Variants in PCDHA1 observed in about 807,000 individuals in gnomAD.
The protein encoded by PCDHA1 is protocadherin alpha 1.
In PCDHA1, 42 loss-of-function variants were observed where a neutral mutation model predicts 61.3. The observed-to-expected ratio is 0.69, with a 90% CI of 0.54 to 0.89. The LOEUF is 0.89. Among genes scored for constraint, PCDHA1 ranks in the 40% least tolerant of loss-of-function variants. PCDHA1 has a pLI of 0.00. For synonymous variants in PCDHA1, 610 were observed against 553.8 expected (o/e 1.10, Z -1.43); for missense variants, 1,256 against 1,235.3 (o/e 1.02, Z -0.25).
chr5:140,843,262 G>C (rs2150356218), intron 1 of PCDHA1: 1 of 1,596,090 alleles, frequency 6.3e-7, no homozygotes, highest in South Asian at 1.1e-5. Context: ...GCCACCGTCT[G>C]CTGGTCCTGG....
At chr5:140,960,511 C>T (rs2153725482) in intron 1 of PCDHA1, among the ~76,000 whole-genome samples, 1 of 152,156 alleles carries the variant, frequency 6.6e-6, no homozygotes, top group East Asian at 1.9e-4. Context: ...AAGCAGCAAA[C>T]ATAATGGGTA....
chr5:140,797,177 C>T (rs373175286), intron 1 of PCDHA1: 86 of 1,614,142 alleles, frequency 5.3e-5, no homozygotes, highest in Non-Finnish European at 6.2e-5. Flanking sequence ...GGAAAGCCCA[C>T]GCTGGTGTGC....
At chr5:140,973,358 A>G (rs1450961086) in intron 1 of PCDHA1, among the ~76,000 whole-genome samples, 1 of 152,234 alleles carries the variant, frequency 6.6e-6, no homozygotes, top group Non-Finnish European at 1.5e-5. Flanking sequence ...GTGAATTTAT[A>G]AAAATTGCAC....
At chr5:140,893,380 C>A (rs1554185596) in intron 1 of PCDHA1, among the ~76,000 whole-genome samples, 1 of 152,130 alleles carries the variant, frequency 6.6e-6, no homozygotes, top group African/African-American at 2.4e-5. Context: ...ATTTATGGGA[C>A]AGTGGCTCAT....
intron 3 of PCDHA1, among the ~76,000 whole-genome samples, chr5:140,983,386 A>G (rs1426409765): frequency 2.6e-5 from 4 of 152,216 alleles, no homozygotes. Context: ...TCGCTGTGGC[A>G]GTTTTCAGAA....
chr5:140,876,954 G>T (rs1554169149), intron 1 of PCDHA1: 1 of 1,613,432 alleles, frequency 6.2e-7, no homozygotes, highest in Non-Finnish European at 8.5e-7. Context: ...CCTACTCGCT[G>T]GTGGAGCGGC....
chr5:140,797,462 C>T, intron 1 of PCDHA1: 1 of 1,265,180 alleles, frequency 7.9e-7, no homozygotes, highest in Non-Finnish European at 1.1e-6. Flanking sequence ...TTTATATCAT[C>T]CTACCGTGCG....
intron 1 of PCDHA1, chr5:140,836,109 G>C (rs2150253080): frequency 6.2e-7 from 1 of 1,613,728 alleles, no homozygotes; most frequent in Non-Finnish European, 8.5e-7. Flanking sequence ...CACTGGTGGC[G>C]CAGTGAGAGA....
chr5:140,947,585 G>C (rs773594834), intron 1 of PCDHA1, among the ~76,000 whole-genome samples: 5 of 151,544 alleles, frequency 3.3e-5, no homozygotes, highest in Non-Finnish European at 3.0e-5. Context: ...TTAACATTTA[G>C]ATCAATTTAG....
chr5:140,806,975 G>A lies in PCDHA1; in HGVS notation c.2394+18291G>A, dbSNP rs1763825186. ...GGGGGTTTCCACAATTGCTACTTAC[G>A]GTTTGGAGCCACATGATGTCGCTCT... On this transcript the variant is annotated intron_variant, in intron 1 of 3. Coordinates refer to ENST00000504120, the MANE Select transcript of PCDHA1 (RefSeq NM_018900.4). 2.3e-5 allele frequency: 14 copies of A among 620,014 alleles called. No homozygotes were observed. In the East Asian group the frequency reaches 3.1e-4, roughly 14 times the overall value. The allele number at this position is 620,014 out of a possible 1,614,324, so 38.4% of individuals were successfully genotyped here. A position where few individuals can be genotyped will look rare whatever the true frequency, so the allele number is the denominator to read the frequency against.
chr5:140,967,073 G>C (rs1554229137), intron 1 of PCDHA1: 1 of 1,613,160 alleles, frequency 6.2e-7, no homozygotes, highest in Non-Finnish European at 8.5e-7. Context: ...CTTCGTCAAC[G>C]AGCGCATTGA....
chr5:140,966,113 A>T (rs1224729629), intron 1 of PCDHA1: 1 of 155,768 alleles, frequency 6.4e-6, no homozygotes, highest in African/African-American at 2.4e-5. Flanking sequence ...GGGTGCCCAT[A>T]CTTAGCTAAG....
Position 140,835,739 on chromosome 5 carries a change from C to G in PCDHA1, c.2394+47055C>G, listed in dbSNP as rs185499663. On this transcript the variant is annotated intron_variant, in intron 1 of 3. Transcript: ENST00000504120. ...AGGTGGCCGACGTGAACGACAACGC[C>G]CCGGCGTTCGCGCAGCCCGAGTATA... The G allele has an allele frequency of 4.3e-6, 7 of 1,613,474 alleles. No individual in the cohort carries two copies. In the African/African-American group the frequency reaches 5.3e-5, roughly 12 times the overall value.
At chr5:140,834,504 C>T (rs2150219958) in intron 1 of PCDHA1, 3 of 1,614,130 alleles carry the variant, frequency 1.9e-6, no homozygotes, top group Non-Finnish European at 1.7e-6. Flanking sequence ...GGAGGCTAAA[C>T]ATGGCAACTT....
intron 1 of PCDHA1, among the ~76,000 whole-genome samples, chr5:140,874,815 A>T (rs2055116009): frequency 6.6e-6 from 1 of 152,262 alleles, no homozygotes; most frequent in Non-Finnish European, 1.5e-5. Context: ...AAGACAATTT[A>T]TATAAATGAA....
chr5:140,834,516 G>A (rs1433865569), intron 1 of PCDHA1: 5 of 1,613,992 alleles, frequency 3.1e-6, no homozygotes, highest in African/African-American at 2.7e-5. Flanking sequence ...TGGCAACTTC[G>A]TGGGCCGCAT....
chr5:140,815,806 G>T (rs1765796247), intron 1 of PCDHA1: 2 of 152,132 alleles, frequency 1.3e-5, no homozygotes, highest in South Asian at 2.1e-4. Context: ...AACTGGGAAG[G>T]TCTTTATCTC....
intron 1 of PCDHA1, chr5:140,869,801 T>C: frequency 6.2e-7 from 1 of 1,612,816 alleles, no homozygotes; most frequent in African/African-American, 1.3e-5. Flanking sequence ...GTCCAAGTCT[T>C]GGATGTCAAC....
chr5:140,803,920 T>C, intron 1 of PCDHA1: 7 of 488,680 alleles, frequency 1.4e-5, no homozygotes, highest in Non-Finnish European at 2.2e-5. Flanking sequence ...CTTCGACTTG[T>C]TTTATACTTA....
Sources: allele counts gnomAD v4.1 joint callset (sites outside exome capture counted in the v4.1 genomes callset), GRCh38; gene constraint gnomAD v4.1.1; transcripts MANE v1.5; gene names NCBI Gene and HGNC (gene_info 2026-07-23, HGNC 2026-07-21).